Variants in NOLC1 observed in about 807,000 individuals in gnomAD.
NOLC1 encodes 140 kDa nucleolar phosphoprotein.
NOLC1 carries 37 observed loss-of-function variants against 73.4 expected under a neutral mutation model. That is an observed-to-expected ratio of 0.50 (90% CI 0.39 to 0.66). The LOEUF (loss-of-function observed/expected upper bound fraction) is 0.66. Ranked by LOEUF, NOLC1 falls within the 30% of genes least tolerant of loss-of-function variation. The pLI is 0.00. For synonymous variants in NOLC1, 327 were observed against 302.6 expected (o/e 1.08, Z -0.84); for missense variants, 921 against 838.9 (o/e 1.10, Z -1.21).
intron 1 of NOLC1, among the ~76,000 whole-genome samples, chr10:102,155,928 C>T (rs1476983332): frequency 6.6e-6 from 1 of 151,418 alleles, no homozygotes; most frequent in Non-Finnish European, 1.5e-5. Flanking sequence ...GCGATCTCAG[C>T]TTACTGCACC....
chr10:102,152,529 C>G lies in NOLC1; in HGVS notation c.119C>G (p.Ala40Gly). The change falls in exon 1 of 13, where the codon GCT becomes GGT. Residue 40 changes from alanine to glycine, a missense_variant and splice_region_variant. Physicochemically the swap from Ala to Gly is moderately conservative, Grantham distance 60. Transcript: ENST00000605788. ...AATAAGTTCGCCAAAGCGACAGGAGCTGTGAGTTCCGGGCTTGGGGCGGGG... is the reference window on the plus strand; with the variant it reads ...AATAAGTTCGCCAAAGCGACAGGAGGTGTGAGTTCCGGGCTTGGGGCGGGG... ...VANKFAKATG[A>G]TQQDANASSL... The G allele has an allele frequency of 6.2e-7, 1 of 1,613,708 alleles. No individual in the cohort carries two copies. The highest frequency in any genetic ancestry group is 8.5e-7 in the Non-Finnish European group (1 of 1,180,042).
intron 1 of NOLC1, among the ~76,000 whole-genome samples, chr10:102,156,556 G>T (rs2069598372): frequency 6.6e-6 from 1 of 151,748 alleles, no homozygotes; most frequent in South Asian, 2.1e-4. Context: ...TCCTGCTTCA[G>T]CCTCCCAAGT....
rs764008546 is a variant in NOLC1, at chr10:102,159,611, G to T, written c.859+43G>T. The T allele has an allele frequency of 2.5e-6, 4 of 1,594,026 alleles. No individual in the cohort carries two copies. The East Asian group carries it at 6.7e-5, about 27-fold the overall frequency. ...GCGAAGCTGTGTGACTGTGGTCAGG[G>T]CCCAGCTGCAGTAACCACATGGACC... On this transcript the variant is annotated intron_variant, in intron 7 of 12. Coordinates refer to ENST00000605788, the MANE Select transcript of NOLC1 (RefSeq NM_004741.5).
rs748473574 is a variant in NOLC1 at position 102,159,896 on chromosome 10, G to T, written c.860G>T (p.Gly287Val). The change falls in exon 8 of 13, where the codon GGT becomes GTT. Residue 287 changes from glycine to valine, a missense_variant and splice_region_variant. By Grantham distance (109) the Gly-to-Val change is moderately radical (BLOSUM62 -3). Transcript: ENST00000605788. ...EQKKPMKNKP[G>V]PYSSVPPPSA... ...CCATCACACTATCCTTTTTAAACAG[G>T]TCCCTACAGTTCAGTCCCCCCGCCT... 3.2e-6 allele frequency: 5 copies of T among 1,575,986 alleles called. No individual in the cohort carries two copies. The East Asian group carries it at 6.8e-5, about 22-fold the overall frequency.
Position 102,159,510 on chromosome 10 carries a change from T to C in NOLC1, c.801T>C (p.Ser267=), listed in dbSNP as rs1262782369. 1.9e-6 allele frequency: 3 copies of C among 1,613,928 alleles called. No homozygotes were observed. The African/African-American group carries it at 4.0e-5, about 22-fold the overall frequency. The change falls in exon 7 of 13, where the codon AGT becomes AGC. Residue 267 remains serine, a synonymous_variant. Transcript: ENST00000605788. ...CCCCTACCCGGAAGAGTTCTAGCAG[T>C]GAGGATTCCTCCAGTGACGAGGAAG... ...ATTPTRKSSS[S]EDSSSDEEEE...
At chr10:102,156,884 T>C in intron 1 of NOLC1, 135 bp from the exon 2 acceptor site, 1 of 841,332 alleles carries the variant, frequency 1.2e-6, no homozygotes, top group Non-Finnish European at 1.9e-6. Context: ...TCTCCTGATT[T>C]ATGCACGTAG....
chr10:102,157,950 T>TA (rs2069626012), intron 4 of NOLC1, 99 bp from the exon 5 acceptor site: 1 of 1,089,484 alleles, frequency 9.2e-7, no homozygotes, highest in Non-Finnish European at 1.3e-6. Flanking sequence ...CTTTTGCTCT[T>TA]ACTGCTCCAT....
chr10:102,152,923 G>A (rs1386114492), intron 1 of NOLC1, among the ~76,000 whole-genome samples: 1 of 152,210 alleles, frequency 6.6e-6, no homozygotes, highest in African/African-American at 2.4e-5. Flanking sequence ...CTTAGCCTCA[G>A]TCACATTTAC....
chr10:102,155,979 C>T (rs1227496008), intron 1 of NOLC1, among the ~76,000 whole-genome samples: 2 of 152,106 alleles, frequency 1.3e-5, no homozygotes, highest in East Asian at 1.9e-4. Flanking sequence ...GCCTCAGCCT[C>T]CCGAGTACCT....
At position 102,152,423 on chromosome 10, in the gene NOLC1, G is replaced by A. The variant is rs761776310; in HGVS notation, c.13G>A (p.Gly5Ser). 4.3e-6 allele frequency: 7 copies of A among 1,610,988 alleles called. No individual in the cohort carries two copies. Among genetic ancestry groups the A allele is most frequent in the Non-Finnish European group, 5.9e-6 (7 of 1,180,028 alleles). The change falls in exon 1 of 13, where the codon GGC (glycine) becomes AGC (serine). Residue 5 changes from glycine (G) to serine (S), a missense_variant. By Grantham distance (56) the Gly-to-Ser change is moderately conservative (BLOSUM62 0). Coordinates refer to ENST00000605788, the MANE Select transcript of NOLC1 (RefSeq NM_004741.5). Reference sequence around the variant, plus strand: ...TATTGCCTGGAGGATGGCGGACGCCGGCATTCGCCGCGTGGTTCCCAGCGA... The same window carrying A: ...TATTGCCTGGAGGATGGCGGACGCCAGCATTCGCCGCGTGGTTCCCAGCGA... MADA[G>S]IRRVVPSDLY... is the part of the protein sequence containing the mutation.
At chr10:102,157,139 G>T in intron 2 of NOLC1, 50 bp from the exon 3 acceptor site, 2 of 1,613,844 alleles carry the variant, frequency 1.2e-6, no homozygotes, top group Non-Finnish European at 1.7e-6. Context: ...GTGTTTCTTG[G>T]TTTGGGAAGA....
rs2069702301 is a variant in NOLC1, at chr10:102,161,104, A to G, written c.1741+11A>G. The stretch of plus-strand genomic sequence containing the variant: ...TAGTTTCCAAATCAGGTCTGTACCC[A>G]ATGAACATGCCCTCTGGGTTTTGTC... On this transcript the variant is annotated intron_variant, in intron 10 of 12. Coordinates refer to ENST00000605788, the MANE Select transcript of NOLC1 (RefSeq NM_004741.5). 6.3e-7 allele frequency: 1 copy of G among 1,589,660 alleles called. No individual in the cohort carries two copies. The highest frequency in any genetic ancestry group is 1.1e-5 in the South Asian group (1 of 88,542).
rs549066288 is a variant in NOLC1 at position 102,155,918 on chromosome 10, G to A, written c.121-1101G>A. Among the ~76,000 whole-genome samples the A allele has an allele frequency of 5.9e-5, 9 of 151,932 alleles. No individual in the cohort carries two copies. The South Asian group carries it at 1.9e-3, about 32-fold the overall frequency. On this transcript the variant is annotated intron_variant, in intron 1 of 12. Transcript: ENST00000605788. The stretch of plus-strand genomic sequence containing the variant: ...GTCGCACAGGCTGGAGTGCAGTGGC[G>A]CGATCTCAGCTTACTGCACCCTCCG...
chr10:102,161,098 G>T lies in NOLC1; in HGVS notation c.1741+5G>T, dbSNP rs1018694798. 2 of 1,595,258 alleles carry T rather than the reference G, an allele frequency of 1.3e-6. No homozygotes were observed. Among genetic ancestry groups the T allele is most frequent in the Non-Finnish European group, 8.5e-7 (1 of 1,174,700 alleles). ...CAGTGGTAGTTTCCAAATCAGGTCTGTACCCAATGAACATGCCCTCTGGGT... is the reference window on the plus strand; with the variant it reads ...CAGTGGTAGTTTCCAAATCAGGTCTTTACCCAATGAACATGCCCTCTGGGT... On this transcript the variant is annotated splice_donor_5th_base_variant and intron_variant, in intron 10 of 12. Transcript: ENST00000605788.
At chr10:102,153,673 T>C (rs2069543574) in intron 1 of NOLC1, among the ~76,000 whole-genome samples, 1 of 8,534 alleles carries the variant, frequency 1.2e-4, no homozygotes, top group Non-Finnish European at 4.0e-4. Flanking sequence ...ATTAGGATTC[T>C]TTTTTTTTTT....
rs1220533828 is a variant in NOLC1, at chr10:102,157,497, GCAGTGAAGAGTC to G, written c.390_401del (p.Glu130_Ser133del). On this transcript the variant is annotated inframe_deletion, in exon 4 of 13. Transcript: ENST00000605788. Reference sequence around the variant, plus strand: ...GCAGCCAAAGCATCAGAGAGTAGCAGCAGTGAAGAGTCCAGTGATGATGATGATGAGGAGGAC... The same window carrying G: ...GCAGCCAAAGCATCAGAGAGTAGCAGCAGTGATGATGATGATGAGGAGGAC... The G allele has an allele frequency of 6.2e-7, 1 of 1,614,192 alleles. No homozygotes were observed. Among genetic ancestry groups the G allele is most frequent in the South Asian group, 1.1e-5 (1 of 91,078 alleles).
In NOLC1 at chr10:102,162,137, G is replaced by A. The variant is rs773390947; in HGVS notation, c.1968G>A (p.Glu656=). The change falls in exon 13 of 13, where the codon GAG becomes GAA. Residue 656 remains glutamate, a synonymous_variant. Transcript: ENST00000605788. ...GAGGTGCAGCCGGAGACTGGGGAGA[G>A]CGAGCCAATCAGGTTTTGAAGTTCA... ...AKRGAAGDWG[E]RANQVLKFTK... The A allele has an allele frequency of 6.2e-7, 1 of 1,614,042 alleles. No individual in the cohort carries two copies. The highest frequency in any genetic ancestry group is 1.1e-5 in the South Asian group (1 of 91,074).
chr10:102,161,723 A>T, intron 11 of NOLC1, 61 bp downstream of exon 11: 2 of 1,550,316 alleles, frequency 1.3e-6, no homozygotes, highest in Non-Finnish European at 1.8e-6. Flanking sequence ...ATCTAGGATC[A>T]TCTTGACAGC....
At chr10:102,154,277 G>T (rs1247654748) in intron 1 of NOLC1, among the ~76,000 whole-genome samples, 1 of 148,770 alleles carries the variant, frequency 6.7e-6, no homozygotes, top group African/African-American at 2.5e-5. Context: ...TAGAGACGGG[G>T]TTTCACCATG....
Sources: gnomAD v4.1 joint callset for allele counts (sites outside exome capture counted in the v4.1 genomes callset) on GRCh38, gnomAD v4.1.1 for gene constraint, MANE v1.5 for transcripts, NCBI Gene and HGNC (gene_info 2026-07-23, HGNC 2026-07-21) for gene names.